Variants in CNTNAP2 observed in about 807,000 individuals in gnomAD.
CNTNAP2 encodes the protein contactin-associated protein-like 2.
Under a neutral mutation model 155.2 loss-of-function variants are expected in CNTNAP2, and 98 were observed. The ratio of observed to expected loss-of-function variants is 0.63; its 90% CI spans 0.54 to 0.75. The LOEUF is 0.75. Among genes scored for constraint, CNTNAP2 ranks in the 30% least tolerant of loss-of-function variants. CNTNAP2 has a pLI of 0.00. For synonymous variants in CNTNAP2, 651 were observed against 631.2 expected (o/e 1.03, Z -0.47); for missense variants, 1,727 against 1,688.1 (o/e 1.02, Z -0.40).
chr7:146,786,797 G>A (rs1157321722), intron 2 of CNTNAP2: 1 of 152,018 alleles, frequency 6.6e-6, no homozygotes, highest in Non-Finnish European at 1.5e-5. Context: ...CTTTTATTTT[G>A]CTTGGTTTTC....
chr7:147,508,374 T>G (rs531007424), intron 11 of CNTNAP2, among the ~76,000 whole-genome samples: 4 of 152,298 alleles, frequency 2.6e-5, no homozygotes, highest in African/African-American at 7.2e-5. Flanking sequence ...CACATCTAAT[T>G]GGTCACCAAG....
intron 8 of CNTNAP2, among the ~76,000 whole-genome samples, chr7:147,265,941 A>C (rs554206458): frequency 4.6e-5 from 7 of 152,286 alleles, no homozygotes; most frequent in African/African-American, 1.7e-4. Flanking sequence ...GAAAAACAAA[A>C]CAACAGCATC....
chr7:147,461,674 G>A (rs540372284), intron 10 of CNTNAP2, among the ~76,000 whole-genome samples: 4 of 150,852 alleles, frequency 2.7e-5, no homozygotes, highest in African/African-American at 7.3e-5. Flanking sequence ...AAAAAGCTAC[G>A]TTTTGACTTA....
chr7:147,256,809 G>A (rs370773221), intron 8 of CNTNAP2, among the ~76,000 whole-genome samples: 163 of 152,042 alleles, frequency 1.1e-3, no homozygotes, highest in African/African-American at 3.6e-3. Context: ...GTAATTCAAA[G>A]AAAACATGTA....
intron 3 of CNTNAP2, among the ~76,000 whole-genome samples, chr7:146,976,404 G>A (rs1470817107): frequency 6.6e-6 from 1 of 152,144 alleles, no homozygotes; most frequent in African/African-American, 2.4e-5. Context: ...CCAGTTGCAA[G>A]CCCCAGGCTC....
intron 8 of CNTNAP2, among the ~76,000 whole-genome samples, chr7:147,249,048 G>A (rs1584818786): frequency 6.6e-6 from 1 of 152,148 alleles, no homozygotes; most frequent in South Asian, 2.1e-4. Context: ...GAATACCAGA[G>A]ACTGAGGGAA....
At chr7:148,271,699 C>T (rs6973491) in intron 21 of CNTNAP2, among the ~76,000 whole-genome samples, 100,102 of 152,092 alleles carry the variant, frequency 0.66, 33,392 homozygotes, top group South Asian at 0.82. Flanking sequence ...AAGCTAATCA[C>T]TGGCCACCCC....
At chr7:147,218,252 C>G (rs1445731617) in intron 8 of CNTNAP2, among the ~76,000 whole-genome samples, 1 of 151,654 alleles carries the variant, frequency 6.6e-6, no homozygotes, top group African/African-American at 2.4e-5. Context: ...TTAGATATTT[C>G]TTTTCTAACA....
At chr7:147,099,624 A>C (rs868728578) in intron 4 of CNTNAP2, among the ~76,000 whole-genome samples, 1 of 152,182 alleles carries the variant, frequency 6.6e-6, no homozygotes, top group Non-Finnish European at 1.5e-5. Flanking sequence ...ATAGTATCAA[A>C]ATTTGGACAG....
intron 12 of CNTNAP2, among the ~76,000 whole-genome samples, chr7:147,607,790 T>C (rs144357297): frequency 1.1e-3 from 161 of 152,320 alleles, no homozygotes; most frequent in Middle Eastern, 0.01. Flanking sequence ...CTGGTACAAC[T>C]TAAGTTTAAA....
chr7:148,329,108 AC>A (rs1412621138), intron 21 of CNTNAP2, among the ~76,000 whole-genome samples: 2 of 151,198 alleles, frequency 1.3e-5, no homozygotes, highest in Non-Finnish European at 2.9e-5. Flanking sequence ...ACGGACTCTG[AC>A]CCCTGGACCA....
intron 12 of CNTNAP2, among the ~76,000 whole-genome samples, chr7:147,595,121 G>A (rs1020446909): frequency 6.6e-6 from 1 of 152,050 alleles, no homozygotes; most frequent in African/African-American, 2.4e-5. Context: ...ATTGTTTTCA[G>A]GGAACTAAGA....
intron 2 of CNTNAP2, among the ~76,000 whole-genome samples, chr7:146,802,885 G>A (rs763884417): frequency 3.3e-5 from 5 of 152,044 alleles, no homozygotes; most frequent in Non-Finnish European, 7.4e-5. Flanking sequence ...AGTGCTCTCT[G>A]GAACTTGGAA....
chr7:148,281,081 G>A (rs532625247), intron 21 of CNTNAP2, among the ~76,000 whole-genome samples: 2 of 152,142 alleles, frequency 1.3e-5, no homozygotes, highest in African/African-American at 4.8e-5. Flanking sequence ...GGGACCTGCA[G>A]CGATTAAGCC....
chr7:147,429,155 T>TAC (rs568870511), intron 10 of CNTNAP2, among the ~76,000 whole-genome samples: 176 of 147,728 alleles, frequency 1.2e-3, no homozygotes, highest in African/African-American at 4.2e-3. Flanking sequence ...TGTTTGTGTA[T>TAC]ATATATATAT....
intron 13 of CNTNAP2, among the ~76,000 whole-genome samples, chr7:147,803,604 A>C (rs1180461949): frequency 6.6e-6 from 1 of 152,220 alleles, no homozygotes; most frequent in Non-Finnish European, 1.5e-5. Context: ...GAAACAAAGG[A>C]TATCCCTGGA....
At chr7:147,825,597 A>G (rs987245615) in intron 13 of CNTNAP2, among the ~76,000 whole-genome samples, 1 of 152,226 alleles carries the variant, frequency 6.6e-6, no homozygotes, top group African/African-American at 2.4e-5. Flanking sequence ...CTAAAGAGAC[A>G]TAACATTTCT....
chr7:147,219,908 T>C (rs1015021446), intron 8 of CNTNAP2, among the ~76,000 whole-genome samples: 4 of 151,294 alleles, frequency 2.6e-5, no homozygotes, highest in African/African-American at 9.7e-5. Flanking sequence ...CCCAAGTAGC[T>C]GGGACTACAG....
chr7:146,731,964 G>A (rs1801533827), intron 1 of CNTNAP2, among the ~76,000 whole-genome samples: 1 of 152,104 alleles, frequency 6.6e-6, no homozygotes, highest in Admixed American at 6.5e-5. Context: ...CATCCAAAAT[G>A]ATAGAGAATA....
Sources: allele counts gnomAD v4.1 joint callset (sites outside exome capture counted in the v4.1 genomes callset), GRCh38; gene constraint gnomAD v4.1.1; transcripts MANE v1.5; gene names NCBI Gene and HGNC (gene_info 2026-07-23, HGNC 2026-07-21).